The following EXPH5 variants were observed in gnomAD, a reference collection of about 807,000 sequenced individuals.
The protein encoded by EXPH5 is exophilin 5, also known as exophilin-5.
EXPH5 carries 42 observed loss-of-function variants against 41.1 expected under a neutral mutation model. The ratio of observed to expected loss-of-function variants is 1.02; its 90% CI spans 0.80 to 1.32. The LOEUF (loss-of-function observed/expected upper bound fraction) is 1.32. Ranked by LOEUF, EXPH5 falls within the 40% of genes most tolerant of loss-of-function variation. EXPH5 has a pLI of 0.00. For synonymous variants in EXPH5, 798 were observed against 833.5 expected (o/e 0.96, Z 0.73); for missense variants, 2,298 against 2,314.5 (o/e 0.99, Z 0.15).
intron 4 of EXPH5, among the ~76,000 whole-genome samples, chr11:108,522,718 TG>T (rs1182243225): frequency 1.3e-5 from 2 of 152,158 alleles, no homozygotes; most frequent in East Asian, 3.8e-4. Context: ...GAGCAGACAC[TG>T]ACTGATCCTA....
chr11:108,558,086 G>T (rs1337992220), intron 1 of EXPH5, among the ~76,000 whole-genome samples: 1 of 152,014 alleles, frequency 6.6e-6, no homozygotes, highest in Non-Finnish European at 1.5e-5. Flanking sequence ...GGGAATACAG[G>T]TGCCCACCAC....
chr11:108,520,976 C>G (rs11212696), intron 4 of EXPH5, among the ~76,000 whole-genome samples: 3,996 of 152,270 alleles, frequency 0.026, 138 homozygotes, highest in African/African-American at 0.079. Context: ...ACATTATCCA[C>G]CCCATGCCTT....
At chr11:108,602,028 C>A in the EXPH5 span, among the ~76,000 whole-genome samples, 1 of 152,192 alleles carries the variant, frequency 6.6e-6, no homozygotes, top group East Asian at 1.9e-4. Context: ...TGATAACAGG[C>A]AAGAGCCACT....
intron 2 of EXPH5, 68 bp downstream of exon 2, chr11:108,541,584 G>T: frequency 2.0e-6 from 2 of 997,580 alleles, no homozygotes; most frequent in Non-Finnish European, 3.0e-6. Flanking sequence ...GATCCACTGG[G>T]CCATTATCTA....
Position 108,513,203 on chromosome 11 carries a change from CTT to C in EXPH5, c.2302_2303del (p.Lys768ValfsTer20), listed in dbSNP as rs1307714391. 6.2e-7 allele frequency: 1 copy of C among 1,614,024 alleles called. No individual in the cohort carries two copies. The highest frequency in any genetic ancestry group is 1.7e-5 in the Admixed American group (1 of 59,992). ...FNASTIISSK[K>X]SPRVFSRKDT... Reference sequence around the variant, plus strand: ...CTTTCCTGGAAAAGACTCTGGGTGACTTTTTTGAACTTATTATGGTAGATGCA... The same window carrying C: ...CTTTCCTGGAAAAGACTCTGGGTGACTTTTGAACTTATTATGGTAGATGCA... On this transcript the variant is annotated frameshift_variant, in exon 6 of 6. Coordinates refer to ENST00000265843, the MANE Select transcript of EXPH5 (RefSeq NM_015065.3). LOFTEE classifies it low-confidence loss of function (END_TRUNC).
Position 108,513,023 on chromosome 11 carries a change from A to G in EXPH5, c.2484T>C (p.Gly828=), listed in dbSNP as rs2093694486. Residue 828 remains glycine (G), a synonymous_variant, in exon 6 of 6, where the codon GGT becomes GGC. Coordinates refer to ENST00000265843, the MANE Select transcript of EXPH5 (RefSeq NM_015065.3). ...TATTTACAGTTAATTCCTGGTGACAACCTTGGTCTGTCCTGGGGAAAGATG... is the reference window on the plus strand; with the variant it reads ...TATTTACAGTTAATTCCTGGTGACAGCCTTGGTCTGTCCTGGGGAAAGATG... ...TPPSFPRTDQ[G]CHQELTVNNE... The G allele has an allele frequency of 6.2e-7, 1 of 1,614,006 alleles. No individual in the cohort carries two copies. Among genetic ancestry groups the G allele is most frequent in the Non-Finnish European group, 8.5e-7 (1 of 1,179,978 alleles).
At chr11:108,532,919 T>C (rs908900125) in intron 3 of EXPH5, among the ~76,000 whole-genome samples, 5 of 152,336 alleles carry the variant, frequency 3.3e-5, no homozygotes, top group Non-Finnish European at 5.9e-5. Flanking sequence ...CATCTTAGCA[T>C]TGTTCTTGTG....
chr11:108,513,771 G>A lies in EXPH5; in HGVS notation c.1736C>T (p.Thr579Ile). ...ACCAGTCATGGAGCAAACATTTGGT[G>A]TGCCAAAATGAGGAGTCAACTGGGT... is the stretch of plus-strand genomic sequence containing the variant. Reference protein sequence around the residue: ...NETQLTPHFGTPNVCSMTGSS... With the variant: ...NETQLTPHFGIPNVCSMTGSS... Residue 579 changes from threonine to isoleucine, a missense_variant, in exon 6 of 6, where the codon ACA becomes ATA. Physicochemically the swap from Thr to Ile is moderately conservative, Grantham distance 89. Coordinates refer to ENST00000265843, the MANE Select transcript of EXPH5 (RefSeq NM_015065.3). 2 of 1,603,238 alleles carry A rather than the reference G, an allele frequency of 1.2e-6. No homozygotes were observed. The highest frequency in any genetic ancestry group is 1.7e-6 in the Non-Finnish European group (2 of 1,175,808).
In EXPH5 at chr11:108,593,767, T is replaced by C; in HGVS notation, c.-231A>G. On this transcript the variant is annotated 5_prime_UTR_variant, in exon 1 of 6. Transcript: ENST00000265843. The stretch of plus-strand genomic sequence containing the variant: ...CAACCTGTCCAACCGAGATGCAAAG[T>C]GAACGGCTAAAGGGAGAGAGGGAAC... The C allele has an allele frequency of 5.2e-6, 8 of 1,535,592 alleles. No homozygotes were observed. The highest frequency in any genetic ancestry group is 7.0e-6 in the Non-Finnish European group (8 of 1,146,754).
At chr11:108,516,073 A>T (rs2093724600) in intron 5 of EXPH5, among the ~76,000 whole-genome samples, 1 of 142,102 alleles carries the variant, frequency 7.0e-6, no homozygotes, top group Non-Finnish European at 1.5e-5. Flanking sequence ...CTCCGTCTCA[A>T]AAAAAAAAAA....
At chr11:108,548,684 C>G (rs2093949985) in intron 1 of EXPH5, among the ~76,000 whole-genome samples, 1 of 152,274 alleles carries the variant, frequency 6.6e-6, no homozygotes. Flanking sequence ...TTCAAACTCT[C>G]TGGGTACGTG....
upstream of EXPH5, among the ~76,000 whole-genome samples, chr11:108,595,691 G>C (rs1271739250): frequency 2.6e-5 from 4 of 152,202 alleles, no homozygotes; most frequent in African/African-American, 9.6e-5. Flanking sequence ...TATTAACATT[G>C]CACAAGGGAG....
intron 1 of EXPH5, among the ~76,000 whole-genome samples, chr11:108,587,943 G>T (rs1409066296): frequency 6.6e-6 from 1 of 151,878 alleles, no homozygotes; most frequent in South Asian, 2.1e-4. Context: ...AGTAGAGATG[G>T]GGTTTCACCG....
Position 108,512,204 on chromosome 11 carries a change from A to G in EXPH5, c.3303T>C (p.Asn1101=). The change falls in exon 6 of 6, where the codon AAT becomes AAC. Residue 1101 remains asparagine (N), a synonymous_variant. Coordinates refer to ENST00000265843, the MANE Select transcript of EXPH5 (RefSeq NM_015065.3). Reference sequence around the variant, plus strand: ...CGGAAGTAGATCCACTGCTTTTTACATTTGTCATTCTCTCTGTGGCTTCAG... The same window carrying G: ...CGGAAGTAGATCCACTGCTTTTTACGTTTGTCATTCTCTCTGTGGCTTCAG... The part of the protein sequence containing the change: ...EAPEATERMT[N]VKSSGSTSVR... The G allele has an allele frequency of 6.2e-7, 1 of 1,608,038 alleles. No homozygotes were observed. Among genetic ancestry groups the G allele is most frequent in the Non-Finnish European group, 8.5e-7 (1 of 1,177,888 alleles).
intron 1 of EXPH5, among the ~76,000 whole-genome samples, chr11:108,566,757 A>G (rs949074789): frequency 1.1e-4 from 17 of 152,238 alleles, no homozygotes; most frequent in African/African-American, 4.1e-4. Context: ...TGATAGATGC[A>G]TAGAAGAGGA....
intron 1 of EXPH5, among the ~76,000 whole-genome samples, chr11:108,543,377 C>A (rs2093922620): frequency 6.6e-6 from 1 of 152,106 alleles, no homozygotes. Flanking sequence ...GGTGCCTAAT[C>A]CAGAGGGAGA....
At chr11:108,596,400 G>C (rs1304365588), upstream of EXPH5, among the ~76,000 whole-genome samples, 1 of 152,154 alleles carries the variant, frequency 6.6e-6, no homozygotes. Context: ...CATTAAAAAG[G>C]AGGATTAAGA....
rs759769098 is a variant in EXPH5, at chr11:108,512,412, T to C, written c.3095A>G (p.His1032Arg). Residue 1032 changes from histidine to arginine, a missense_variant, in exon 6 of 6, where the codon CAT (histidine) becomes CGT (arginine). Transcript: ENST00000265843. Reference sequence around the variant, plus strand: ...TATTTTACTTCCTGACTGCCTGCCATGTATGAGAAAACTGCTTGATTTTCT... The same window carrying C: ...TATTTTACTTCCTGACTGCCTGCCACGTATGAGAAAACTGCTTGATTTTCT... Reference protein sequence around the residue: ...LPRKSSSFLIHGRQSGSKIMA... With the variant: ...LPRKSSSFLIRGRQSGSKIMA... 3.2e-5 allele frequency: 52 copies of C among 1,611,146 alleles called. No homozygotes were observed. Among genetic ancestry groups the C allele is most frequent in the Non-Finnish European group, 4.1e-5 (48 of 1,179,126 alleles).
chr11:108,569,253 G>A (rs1172951006), intron 1 of EXPH5, among the ~76,000 whole-genome samples: 2 of 151,936 alleles, frequency 1.3e-5, no homozygotes, highest in East Asian at 1.9e-4. Context: ...GACTTCCCAT[G>A]AAGTTAAATT....
Sources: gnomAD v4.1 joint callset for allele counts (sites outside exome capture counted in the v4.1 genomes callset) on GRCh38, gnomAD v4.1.1 for gene constraint, MANE v1.5 for transcripts, NCBI Gene and HGNC (gene_info 2026-07-23, HGNC 2026-07-21) for gene names.